PRSS12: variants seen among roughly 807,000 people sequenced by gnomAD.
The protein encoded by PRSS12 is serine protease 12.
PRSS12 carries 85 observed loss-of-function variants against 104.4 expected under a neutral mutation model. That is an observed-to-expected ratio of 0.81 (90% CI 0.68 to 0.98). The LOEUF is 0.98. Among genes scored for constraint, PRSS12 ranks in the 50% least tolerant of loss-of-function variants. The pLI is 0.00. For synonymous variants in PRSS12, 454 were observed against 425.2 expected, an observed-to-expected ratio of 1.07 and a Z score of -0.83; for missense variants, 1,141 against 1,139.2, an observed-to-expected ratio of 1.00 and a Z score of -0.02.
intron 4 of PRSS12, among the ~76,000 whole-genome samples, chr4:118,327,468 G>C (rs788653): frequency 0.54 from 81,314 of 151,948 alleles, 23,825 homozygotes; most frequent in Admixed American, 0.71. Context: ...AATTTTTAAA[G>C]AGTAATTTAT....
chr4:118,313,502 G>T (rs946122115), intron 6 of PRSS12, 105 bp from the exon 7 acceptor site: 10 of 1,212,102 alleles, frequency 8.3e-6, no homozygotes, highest in African/African-American at 1.5e-5. Context: ...TGACTTCAGA[G>T]GATAAGTATC....
intron 7 of PRSS12, chr4:118,312,880 T>A (rs1560774067): frequency 3.0e-6 from 1 of 334,078 alleles, no homozygotes; most frequent in African/African-American, 2.1e-5. Flanking sequence ...AAAATCAGAA[T>A]AAGTGACCGA....
intron 4 of PRSS12, among the ~76,000 whole-genome samples, chr4:118,324,908 A>T (rs1334130468): frequency 4.0e-5 from 6 of 151,822 alleles, no homozygotes; most frequent in Admixed American, 3.9e-4. Context: ...GACAGGTTTC[A>T]CCATGTTGGT....
intron 11 of PRSS12, among the ~76,000 whole-genome samples, chr4:118,291,595 C>A (rs1483146207): frequency 6.6e-6 from 1 of 152,108 alleles, no homozygotes; most frequent in Non-Finnish European, 1.5e-5. Flanking sequence ...TTCCTTTCTG[C>A]TTGCCCTTCT....
rs11935046 is a variant in PRSS12 at position 118,328,996 on chromosome 4, G to A, written c.971+2720C>T. ...TTTTGTAGAGACGGGGTTTCACCATGTTGGGCAGGCTGGTCTCAAACTCCT... is the reference window on the plus strand; with the variant it reads ...TTTTGTAGAGACGGGGTTTCACCATATTGGGCAGGCTGGTCTCAAACTCCT... On this transcript the variant is annotated intron_variant, in intron 4 of 12. Transcript: ENST00000296498. 6.7e-3 allele frequency among the ~76,000 whole-genome samples: 1,027 copies of A among 152,196 alleles called. 13 individuals are homozygous for A. The highest frequency in any genetic ancestry group is 0.023 in the African/African-American group (941 of 41,514).
At chr4:118,340,316 T>C (rs2126043562) in intron 1 of PRSS12, among the ~76,000 whole-genome samples, 2 of 152,336 alleles carry the variant, frequency 1.3e-5, no homozygotes, top group South Asian at 4.1e-4. Context: ...CATCCAATTT[T>C]CCTTTAACAA....
chr4:118,323,170 A>T (rs189165679), intron 4 of PRSS12, among the ~76,000 whole-genome samples: 1 of 152,192 alleles, frequency 6.6e-6, no homozygotes, highest in East Asian at 1.9e-4. Flanking sequence ...ATGGAAACTG[A>T]CTTAGAGAAC....
intron 4 of PRSS12, among the ~76,000 whole-genome samples, chr4:118,326,065 C>T (rs2126038521): frequency 6.6e-6 from 1 of 152,232 alleles, no homozygotes; most frequent in Middle Eastern, 3.4e-3. Context: ...ATAAATGGCA[C>T]CATCTGATTA....
chr4:118,295,051 G>A lies in PRSS12; in HGVS notation c.1927C>T (p.Pro643Ser), dbSNP rs1349468819. The A allele has an allele frequency of 6.2e-7, 1 of 1,613,924 alleles. No homozygotes were observed. The highest frequency in any genetic ancestry group is 1.3e-5 in the African/African-American group (1 of 75,040). ...GGKNSLRGGW[P>S]WQVSLRLKSS... ...TTCAGCCGGAGGGAAACCTGCCAAGGCCAACCACCCCTAAGAAGAAAATGA... is the reference window on the plus strand; with the variant it reads ...TTCAGCCGGAGGGAAACCTGCCAAGACCAACCACCCCTAAGAAGAAAATGA... The change falls in exon 11 of 13, where the codon CCT becomes TCT. Residue 643 changes from proline (P) to serine (S), a missense_variant. Physicochemically the swap from Pro to Ser is moderately conservative, Grantham distance 74 (BLOSUM62 -1). Transcript: ENST00000296498.
intron 3 of PRSS12, among the ~76,000 whole-genome samples, chr4:118,334,504 A>C (rs978866968): frequency 8.5e-5 from 13 of 152,164 alleles, no homozygotes; most frequent in African/African-American, 3.1e-4. Flanking sequence ...GAGAACCAAA[A>C]GAAGAAAAGG....
chr4:118,331,660 G>C (rs1723919451), intron 4 of PRSS12, 56 bp downstream of exon 4: 1 of 1,607,756 alleles, frequency 6.2e-7, no homozygotes, highest in African/African-American at 1.3e-5. Context: ...CTGCCTTTGG[G>C]TATGGAAATA....
chr4:118,284,382 A>G (rs1241817217), intron 11 of PRSS12, among the ~76,000 whole-genome samples: 2 of 152,236 alleles, frequency 1.3e-5, no homozygotes, highest in Admixed American at 1.3e-4. Flanking sequence ...ACAGAAGACT[A>G]GAGCTCCATG....
chr4:118,317,063 GA>G (rs5861385), intron 5 of PRSS12, among the ~76,000 whole-genome samples: 46,239 of 150,996 alleles, frequency 0.31, 7,407 homozygotes, highest in East Asian at 0.52. Flanking sequence ...AACTGCAAAT[GA>G]AAAAAATACT....
At chr4:118,287,171 G>C (rs1743033372) in intron 11 of PRSS12, among the ~76,000 whole-genome samples, 1 of 151,872 alleles carries the variant, frequency 6.6e-6, no homozygotes, top group African/African-American at 2.4e-5. Flanking sequence ...TTGAGACAAG[G>C]GTTCACTCTG....
chr4:118,282,907 T>G lies in PRSS12; in HGVS notation c.2244A>C (p.Pro748=). ...TCTCTCTCCAGAGTGGTAAACAGGC[T>G]GGCAAAACATGGCTGCTGAATCTGG... is the stretch of plus-strand genomic sequence containing the variant. The part of the protein sequence containing the change: ...QCARFSSHVL[P]ACLPLWRERP... The change falls in exon 12 of 13, where the codon CCA becomes CCC. Residue 748 remains proline (P), a synonymous_variant. Coordinates refer to ENST00000296498, the MANE Select transcript of PRSS12 (RefSeq NM_003619.4). The G allele has an allele frequency of 1.2e-6, 2 of 1,614,242 alleles. No homozygotes were observed. Among genetic ancestry groups the G allele is most frequent in the Non-Finnish European group, 1.7e-6 (2 of 1,180,044 alleles).
intron 11 of PRSS12, 75 bp downstream of exon 11, chr4:118,294,864 C>T: frequency 1.3e-6 from 2 of 1,583,742 alleles, no homozygotes; most frequent in Non-Finnish European, 1.7e-6. Context: ...ACCTTGAGTG[C>T]TGTAGAGCAT....
At chr4:118,343,944 A>G (rs377147454) in intron 1 of PRSS12, among the ~76,000 whole-genome samples, 3 of 152,338 alleles carry the variant, frequency 2.0e-5, no homozygotes, top group South Asian at 2.1e-4. Flanking sequence ...TTGATAAAAG[A>G]GTAAAAAAAA....
chr4:118,299,150 T>A (rs1162564241), intron 8 of PRSS12, among the ~76,000 whole-genome samples: 2 of 152,214 alleles, frequency 1.3e-5, no homozygotes, highest in East Asian at 3.9e-4. Context: ...CTTTATTACA[T>A]CACTTGCCTC....
chr4:118,298,886 T>C lies in PRSS12; in HGVS notation c.1684A>G (p.Ile562Val). ...MAYFGEGKGP[I>V]HVDNVKCTGN... is the part of the protein sequence containing the mutation. ...GTGCACTTCACATTATCCACATGGATGGGTCCTTTTCCTTCTCCAAAGTAA... is the reference window on the plus strand; with the variant it reads ...GTGCACTTCACATTATCCACATGGACGGGTCCTTTTCCTTCTCCAAAGTAA... Residue 562 changes from isoleucine (I) to valine (V), a missense_variant, in exon 9 of 13, where the codon ATC becomes GTC. By Grantham distance (29) the Ile-to-Val change is conservative. Coordinates refer to ENST00000296498, the MANE Select transcript of PRSS12 (RefSeq NM_003619.4). 6.2e-7 allele frequency: 1 copy of C among 1,614,222 alleles called. No homozygotes were observed. The highest frequency in any genetic ancestry group is 8.5e-7 in the Non-Finnish European group (1 of 1,180,048).
Sources: allele counts gnomAD v4.1 joint callset (sites outside exome capture counted in the v4.1 genomes callset), GRCh38; gene constraint gnomAD v4.1.1; transcripts MANE v1.5; gene names NCBI Gene and HGNC (gene_info 2026-07-23, HGNC 2026-07-21).